The following RNF130 variants were observed in gnomAD, a reference collection of about 807,000 sequenced individuals.
RNF130 encodes E3 ubiquitin-protein ligase RNF130.
In RNF130, 21 loss-of-function variants were observed where a neutral mutation model predicts 44.6. The observed-to-expected ratio is 0.47, with a 90% CI of 0.33 to 0.68. The LOEUF is 0.68. Among genes scored for constraint, RNF130 ranks in the 30% least tolerant of loss-of-function variants. RNF130 has a pLI of 0.02. For synonymous variants in RNF130, 214 were observed against 210.4 expected (o/e 1.02, Z -0.15); for missense variants, 479 against 560.6 (o/e 0.85, Z 1.47).
At chr5:179,934,008 C>T (rs547364408) in intron 7 of RNF130, 2 of 345,762 alleles carry the variant, frequency 5.8e-6, no homozygotes, top group East Asian at 7.8e-5. Flanking sequence ...GCCTGTGAAG[C>T]TCACAACAGT....
At position 179,965,956 on chromosome 5, in the gene RNF130, G is replaced by A. The variant is rs985236197; in HGVS notation, c.1150+850C>T. 2.6e-5 allele frequency among the ~76,000 whole-genome samples: 4 copies of A among 152,324 alleles called. No homozygotes were observed. The East Asian group carries it at 5.8e-4, about 22-fold the overall frequency. ...AGAAGGGTCCCACGAGCCTCAGGGC[G>A]TGACGTGCTAGGCAAGCAGCAGCAG... On this transcript the variant is annotated intron_variant, in intron 7 of 8. Coordinates refer to ENST00000521389, the MANE Select transcript of RNF130 (RefSeq NM_018434.6).
At chr5:179,974,842 C>G (rs544806257) in intron 5 of RNF130, among the ~76,000 whole-genome samples, 1 of 152,218 alleles carries the variant, frequency 6.6e-6, no homozygotes, top group South Asian at 2.1e-4. Flanking sequence ...CACGCAGCGG[C>G]GCGGGGAGGA....
chr5:179,987,236 T>C (rs1762975761), intron 3 of RNF130, among the ~76,000 whole-genome samples: 1 of 152,084 alleles, frequency 6.6e-6, no homozygotes, highest in Non-Finnish European at 1.5e-5. Context: ...GGTGTGATCA[T>C]GGCTCACTGC....
intron 5 of RNF130, among the ~76,000 whole-genome samples, chr5:179,974,281 T>C (rs373166284): frequency 1.3e-5 from 2 of 152,166 alleles, no homozygotes; most frequent in African/African-American, 4.8e-5. Flanking sequence ...CATACGTTCA[T>C]CCACGCGGCA....
chr5:180,026,266 C>T (rs961300317), intron 2 of RNF130, among the ~76,000 whole-genome samples: 2 of 152,302 alleles, frequency 1.3e-5, no homozygotes, highest in African/African-American at 2.4e-5. Context: ...AAAATTCTTA[C>T]AGACATACAG....
intron 7 of RNF130, 50 bp from the exon 8 acceptor site, chr5:179,963,614 C>T (rs778209448): frequency 9.0e-5 from 113 of 1,260,550 alleles, no homozygotes; most frequent in Non-Finnish European, 1.3e-4. Context: ...AGGTTTAAGT[C>T]AAATCGATGC....
intron 5 of RNF130, among the ~76,000 whole-genome samples, chr5:179,973,753 C>T (rs570851137): frequency 1.5e-4 from 23 of 152,264 alleles, no homozygotes; most frequent in East Asian, 5.8e-4. Context: ...TCCCCACTCA[C>T]GTGATAAAAA....
chr5:179,970,888 T>C (rs1006356731), intron 5 of RNF130, among the ~76,000 whole-genome samples: 1 of 152,234 alleles, frequency 6.6e-6, no homozygotes, highest in Non-Finnish European at 1.5e-5. Context: ...TACTAAATCA[T>C]GGCTAAGTGA....
At chr5:180,001,735 T>C (rs857189) in intron 3 of RNF130, among the ~76,000 whole-genome samples, 71,876 of 151,950 alleles carry the variant, frequency 0.47, 18,124 homozygotes, top group African/African-American at 0.67. Flanking sequence ...GCAAGTATCC[T>C]AGCTTAGGGG....
At chr5:180,049,177 G>A (rs1764635311) in intron 1 of RNF130, among the ~76,000 whole-genome samples, 1 of 152,158 alleles carries the variant, frequency 6.6e-6, no homozygotes, top group Admixed American at 6.6e-5. Flanking sequence ...CAAAAAGAAA[G>A]CTTCTTTGGT....
chr5:179,954,520 C>A (rs1385476220), downstream of RNF130, among the ~76,000 whole-genome samples: 1 of 152,126 alleles, frequency 6.6e-6, no homozygotes, highest in African/African-American at 2.4e-5. Context: ...CCAGAACAGG[C>A]AAATCCATAG....
At chr5:180,018,617 C>T (rs533157027) in intron 2 of RNF130, among the ~76,000 whole-genome samples, 20 of 152,296 alleles carry the variant, frequency 1.3e-4, no homozygotes, top group Middle Eastern at 3.4e-3. Flanking sequence ...GCTAATCCTA[C>T]TTGTATTATT....
chr5:179,976,939 G>C (rs1582157303), intron 5 of RNF130: 5 of 152,156 alleles, frequency 3.3e-5, no homozygotes, highest in African/African-American at 9.7e-5. Flanking sequence ...TCAGAACTGT[G>C]TATCTTAGTT....
chr5:179,939,702 G>A, intron 7 of RNF130: 3 of 441,150 alleles, frequency 6.8e-6, no homozygotes, highest in Non-Finnish European at 1.3e-5. Context: ...ATCAAAAGAA[G>A]AAAATCCACT....
At chr5:179,988,478 G>A (rs916032446) in intron 3 of RNF130, among the ~76,000 whole-genome samples, 3 of 152,072 alleles carry the variant, frequency 2.0e-5, no homozygotes, top group African/African-American at 7.2e-5. Context: ...AGTTCCTTGA[G>A]GTGCATAACT....
chr5:179,960,845 GAA>G (rs5873676), intron 8 of RNF130, among the ~76,000 whole-genome samples: 1,713 of 147,946 alleles, frequency 0.012, 26 homozygotes, highest in African/African-American at 0.038. Flanking sequence ...CAATTAAGGT[GAA>G]AAAAAAAAAA....
chr5:179,945,145 A>C (rs1217765817), intron 7 of RNF130, among the ~76,000 whole-genome samples: 1 of 152,204 alleles, frequency 6.6e-6, no homozygotes, highest in African/African-American at 2.4e-5. Flanking sequence ...TAAGGCTTTC[A>C]TATGAAACAG....
intron 8 of RNF130, 36 bp downstream of exon 8, chr5:179,963,435 C>T (rs374853829): frequency 1.3e-6 from 2 of 1,513,772 alleles, no homozygotes; most frequent in African/African-American, 2.8e-5. Context: ...CTGGGATCAT[C>T]TGGCACATGC....
intron 2 of RNF130, among the ~76,000 whole-genome samples, chr5:180,032,992 T>G (rs1409206471): frequency 6.6e-6 from 1 of 152,030 alleles, no homozygotes; most frequent in African/African-American, 2.4e-5. Flanking sequence ...TTTTTTTTTT[T>G]GAGACAGGGT....
Sources: allele counts gnomAD v4.1 joint callset (sites outside exome capture counted in the v4.1 genomes callset), GRCh38; gene constraint gnomAD v4.1.1; transcripts MANE v1.5; gene names NCBI Gene and HGNC (gene_info 2026-07-23, HGNC 2026-07-21).